Variants in WDR24 observed in about 807,000 individuals in gnomAD.
The protein encoded by WDR24 is WD repeat domain 24.
WDR24 carries 32 observed loss-of-function variants against 66.7 expected under a neutral mutation model. That is an observed-to-expected ratio of 0.48 (90% CI 0.36 to 0.64). The LOEUF (loss-of-function observed/expected upper bound fraction) is 0.64, where lower values mean the gene tolerates loss of function less well. Among genes scored for constraint, WDR24 ranks in the 30% least tolerant of loss-of-function variants. The pLI is 0.00. For missense variants in WDR24, 978 were observed against 1,144.1 expected (o/e 0.85, Z 2.09); for synonymous variants, 565 against 469.1 (o/e 1.20, Z -2.64).
chr16:687,356 G>C lies in WDR24; in HGVS notation c.720C>G (p.His240Gln), dbSNP rs776830931. 12 of 1,601,738 alleles carry C rather than the reference G, an allele frequency of 7.5e-6. No homozygotes were observed. The South Asian group carries it at 1.3e-4, about 18-fold the overall frequency. Residue 240 changes from histidine (H) to glutamine (Q), a missense_variant, in exon 3 of 9, where the codon CAC (histidine) becomes CAG (glutamine). By Grantham distance (24) the His-to-Gln change is conservative. Coordinates refer to ENST00000293883, the MANE Select transcript of WDR24 (RefSeq NM_032259.4). Reference sequence around the variant, plus strand: ...GCACACAGTGCATCTCCTTGGCACGGTGCGTGGTCATGTCCCAGACCTTCA... The same window carrying C: ...GCACACAGTGCATCTCCTTGGCACGCTGCGTGGTCATGTCCCAGACCTTCA... ...KMVKVWDMTT[H>Q]RAKEMHCVQT...
In WDR24 at chr16:684,644, G is replaced by A. The variant is rs1192871431; in HGVS notation, c.*90C>T. On this transcript the variant is annotated 3_prime_UTR_variant, in exon 9 of 9. Transcript: ENST00000293883. Reference sequence around the variant, plus strand: ...ACAGCGGCTCTACTTCCTTTATTGAGGTCTCAAGTTCCAGCCTCCGCCCGT... The same window carrying A: ...ACAGCGGCTCTACTTCCTTTATTGAAGTCTCAAGTTCCAGCCTCCGCCCGT... 1.2e-5 allele frequency: 17 copies of A among 1,460,242 alleles called. No homozygotes were observed. The highest frequency in any genetic ancestry group is 2.8e-5 in the South Asian group (2 of 72,254). The allele number at this position is 1,460,242 out of a possible 1,614,324, so 90.5% of individuals were successfully genotyped here.
intron 1 of WDR24, 123 bp downstream of exon 1, chr16:689,037 T>C: frequency 1.4e-6 from 2 of 1,458,104 alleles, no homozygotes; most frequent in East Asian, 4.7e-5. Context: ...CCTTTCCCCC[T>C]GAGGAAGCCC....
At chr16:688,338 G>C (rs1220587566) in intron 1 of WDR24, among the ~76,000 whole-genome samples, 1 of 152,132 alleles carries the variant, frequency 6.6e-6, no homozygotes, top group Non-Finnish European at 1.5e-5. Flanking sequence ...CCAGGCTGGA[G>C]TGCAAGTGGC....
chr16:687,416 C>T lies in WDR24; in HGVS notation c.660G>A (p.Arg220=), dbSNP rs755248451. 42 of 1,584,040 alleles carry T rather than the reference C, an allele frequency of 2.7e-5. No individual in the cohort carries two copies. Among genetic ancestry groups the T allele is most frequent in the Non-Finnish European group, 3.4e-5 (40 of 1,165,002 alleles). ...VFCCDWHPED[R]GWLATGGRDK... ...CGCGCCCTCCAGTGGCCAACCAGCC[C>T]CTGTGGGAAGAAGGTCCACCCAAAC... Residue 220 remains arginine (R), a splice_region_variant and synonymous_variant, in exon 3 of 9, where the codon AGG becomes AGA. Transcript: ENST00000293883.
chr16:687,151 G>A lies in WDR24; in HGVS notation c.925C>T (p.His309Tyr), dbSNP rs867361870. The A allele has an allele frequency of 2.5e-6, 4 of 1,612,278 alleles. No homozygotes were observed. The highest frequency in any genetic ancestry group is 3.3e-4 in the Middle Eastern group (2 of 6,060). ...CCAGACAGCAGGAAGGAGGGGTCGT[G>A]GGGGTGGCGCCAGGCAATTCCCGTG... ...VTTGIAWRHP[H>Y]DPSFLLSGSK... is the part of the protein sequence containing the mutation. The change falls in exon 3 of 9, where the codon CAC (histidine) becomes TAC (tyrosine). Residue 309 changes from histidine to tyrosine, a missense_variant. Transcript: ENST00000293883.
In WDR24 at chr16:685,563, G is replaced by A. The variant is rs370625559; in HGVS notation, c.1713C>T (p.Ala571=). 3.0e-4 allele frequency: 481 copies of A among 1,588,090 alleles called. 3 individuals carry two copies. In the South Asian group the frequency reaches 4.6e-3, roughly 15 times the overall value. The change falls in exon 7 of 9, where the codon GCC becomes GCT. Residue 571 remains alanine, a synonymous_variant. Transcript: ENST00000293883. The stretch of plus-strand genomic sequence containing the variant: ...CCACGATCTCGTGGCGCAGCGGAAA[G>A]GCCTCCTGCGGCAGCACGCACTCAG... ...EDPECVLPQE[A]FPLRHEIVDT...
chr16:687,458 T>G (rs775315995), intron 2 of WDR24, 42 bp from the exon 3 acceptor site: 1 of 1,570,970 alleles, frequency 6.4e-7, no homozygotes, highest in Non-Finnish European at 8.6e-7. Context: ...TGGCCTTTCC[T>G]GCAGAGAGGG....
chr16:686,364 G>A (rs1334510459), intron 3 of WDR24, among the ~76,000 whole-genome samples, 178 bp from the exon 4 acceptor site: 3 of 152,194 alleles, frequency 2.0e-5, no homozygotes, highest in African/African-American at 4.8e-5. Flanking sequence ...CCCGGTCCCC[G>A]CCCTACAGCA....
rs1471219204 is a variant in WDR24, at chr16:689,497, G to A, written c.144C>T (p.Ile48=). The part of the protein sequence containing the change: ...AAQVVVAGRS[I]FKIYAIEEEQ... ...CCTCCTCGATGGCATAGATCTTGAA[G>A]ATGCTACGGCCTGCCACGACCACCT... The change falls in exon 1 of 9, where the codon ATC becomes ATT. Residue 48 remains isoleucine, a synonymous_variant. Transcript: ENST00000293883. 2 of 1,613,354 alleles carry A rather than the reference G, an allele frequency of 1.2e-6. No homozygotes were observed. Among genetic ancestry groups the A allele is most frequent in the South Asian group, 1.1e-5 (1 of 91,090 alleles).
At position 685,965 on chromosome 16, in the gene WDR24, C is replaced by G. The variant is rs1485288455; in HGVS notation, c.1477G>C (p.Gly493Arg). 6 of 1,613,040 alleles carry G rather than the reference C, an allele frequency of 3.7e-6. No individual in the cohort carries two copies. Among genetic ancestry groups the G allele is most frequent in the Non-Finnish European group, 5.1e-6 (6 of 1,180,008 alleles). The change falls in exon 5 of 9, where the codon GGG becomes CGG. Residue 493 changes from glycine (G) to arginine (R), a missense_variant. Coordinates refer to ENST00000293883, the MANE Select transcript of WDR24 (RefSeq NM_032259.4). ...TCCAGCCGCGTCTCACTGCCCAACC[C>G]TGGGGCCATATCCTTCAGGTTGAAA... Reference protein sequence around the residue: ...NSFNLKDMAPGLGSETRLDRS... With the variant: ...NSFNLKDMAPRLGSETRLDRS...
Sources: allele counts gnomAD v4.1 joint callset (sites outside exome capture counted in the v4.1 genomes callset), GRCh38; gene constraint gnomAD v4.1.1; transcripts MANE v1.5; gene names NCBI Gene and HGNC (gene_info 2026-07-23, HGNC 2026-07-21).